The following CATSPERT variants were observed in gnomAD, a reference collection of about 807,000 sequenced individuals.
CATSPERT encodes catsper channel auxiliary subunit tau, also known as cation channel sperm-associated targeting subunit tau.
the CATSPERT span, chr2:201,488,008 C>T: frequency 6.7e-6 from 6 of 896,202 alleles, no homozygotes; most frequent in African/African-American, 8.5e-5. Context: ...AAAAGAAAAA[C>T]AAACAAGGAC....
the CATSPERT span, among the ~76,000 whole-genome samples, chr2:201,511,991 A>T: frequency 5.3e-5 from 8 of 152,124 alleles, no homozygotes; most frequent in East Asian, 9.7e-4. Context: ...TAGAACTCTG[A>T]GATGTCTTCA....
the CATSPERT span, among the ~76,000 whole-genome samples, chr2:201,508,438 G>A: frequency 8.5e-5 from 13 of 152,202 alleles, no homozygotes; most frequent in African/African-American, 2.4e-4. Context: ...CTACAATTGT[G>A]GTTTTTTTCC....
chr2:201,492,018 T>C, the CATSPERT span: 1 of 1,536,644 alleles, frequency 6.5e-7, no homozygotes, highest in Non-Finnish European at 8.7e-7. Context: ...GTGTTTTAGC[T>C]TCTTCCTTAG....
the CATSPERT span, among the ~76,000 whole-genome samples, chr2:201,494,931 A>C: frequency 1.3e-5 from 2 of 152,154 alleles, no homozygotes; most frequent in African/African-American, 4.8e-5. Context: ...AATTGAAATA[A>C]AAATTTTAAT....
the CATSPERT span, among the ~76,000 whole-genome samples, chr2:201,509,623 A>C: frequency 5.3e-5 from 8 of 151,090 alleles, 1 homozygote; most frequent in African/African-American, 1.5e-4. Context: ...TTTGTCACTT[A>C]AGTGGAAACT....
At chr2:201,520,963 C>T in the CATSPERT span, among the ~76,000 whole-genome samples, 3 of 151,406 alleles carry the variant, frequency 2.0e-5, no homozygotes, top group African/African-American at 7.3e-5. Flanking sequence ...TAGAGACTAC[C>T]ATGAACAAGA....
At chr2:201,617,648 C>G in the CATSPERT span, among the ~76,000 whole-genome samples, 6 of 152,068 alleles carry the variant, frequency 3.9e-5, no homozygotes, top group South Asian at 2.1e-4. Context: ...ATAGGCATGG[C>G]CAAGGACTTC....
the CATSPERT span, among the ~76,000 whole-genome samples, chr2:201,599,247 AC>A: frequency 6.6e-6 from 1 of 151,852 alleles, no homozygotes; most frequent in Non-Finnish European, 1.5e-5. Context: ...TTAGAATTCC[AC>A]CCCACTCACC....
the CATSPERT span, among the ~76,000 whole-genome samples, chr2:201,599,533 A>G: frequency 3.3e-5 from 5 of 152,190 alleles, no homozygotes; most frequent in Non-Finnish European, 5.9e-5. Flanking sequence ...TGTAACTGTC[A>G]GAGTTTAACA....
chr2:201,580,203 A>T, the CATSPERT span, among the ~76,000 whole-genome samples: 1 of 152,254 alleles, frequency 6.6e-6, no homozygotes, highest in Admixed American at 6.5e-5. Context: ...TTCACATTGT[A>T]TCACTACAGG....
chr2:201,582,426 A>T, the CATSPERT span, among the ~76,000 whole-genome samples: 1 of 152,118 alleles, frequency 6.6e-6, no homozygotes, highest in South Asian at 2.1e-4. Context: ...TCACAGTCAC[A>T]TATATACTAA....
At chr2:201,579,044 A>G in the CATSPERT span, among the ~76,000 whole-genome samples, 1 of 152,102 alleles carries the variant, frequency 6.6e-6, no homozygotes, top group Non-Finnish European at 1.5e-5. Context: ...TTGCTGATCT[A>G]TTTATAAGTT....
chr2:201,538,065 T>C, the CATSPERT span, among the ~76,000 whole-genome samples: 1 of 151,986 alleles, frequency 6.6e-6, no homozygotes, highest in Admixed American at 6.6e-5. Context: ...CCTCTTAAAT[T>C]TTCTAGTGCA....
chr2:201,586,253 G>T, the CATSPERT span, among the ~76,000 whole-genome samples: 2 of 152,014 alleles, frequency 1.3e-5, no homozygotes, highest in Admixed American at 1.3e-4. Flanking sequence ...CTACTGACTG[G>T]GGAAGTCAGT....
chr2:201,508,950 C>CACGAGAATTGCCTGAACCTGGGAGGA, the CATSPERT span, among the ~76,000 whole-genome samples: 1 of 151,162 alleles, frequency 6.6e-6, no homozygotes, highest in African/African-American at 2.5e-5. Flanking sequence ...CATGGGTGTG[C>CACGAGAATTGCCTGAACCTGGGAGGA]GAAATTTCTT....
chr2:201,492,614 T>C, the CATSPERT span: 4 of 1,526,630 alleles, frequency 2.6e-6, no homozygotes, highest in Non-Finnish European at 3.5e-6. Context: ...TCTGAAATGT[T>C]TTTTAGGAAA....
chr2:201,514,747 AT>A, the CATSPERT span, among the ~76,000 whole-genome samples: 60 of 152,302 alleles, frequency 3.9e-4, 1 homozygote, highest in Middle Eastern at 0.01. Context: ...AATGAAATCA[AT>A]TTTTGGATCT....
chr2:201,615,202 A>G, the CATSPERT span, among the ~76,000 whole-genome samples: 33 of 152,142 alleles, frequency 2.2e-4, no homozygotes, highest in East Asian at 2.3e-3. Flanking sequence ...TGCACCAAGC[A>G]GACCTAATAG....
chr2:201,582,218 C>G, the CATSPERT span: 1 of 1,581,574 alleles, frequency 6.3e-7, no homozygotes, highest in Non-Finnish European at 8.5e-7. Context: ...GTCTGGGAAC[C>G]TCAATATCAA....
Sources: gnomAD v4.1 joint callset for allele counts (sites outside exome capture counted in the v4.1 genomes callset) on GRCh38, gnomAD v4.1.1 for gene constraint, MANE v1.5 for transcripts, NCBI Gene and HGNC (gene_info 2026-07-23, HGNC 2026-07-21) for gene names.